The following RGS6 variants were observed in gnomAD, a reference collection of about 807,000 sequenced individuals.
The protein encoded by RGS6 is regulator of G protein signaling 6.
RGS6 carries 30 observed loss-of-function variants against 78.5 expected under a neutral mutation model. The ratio of observed to expected loss-of-function variants is 0.38; its 90% CI spans 0.29 to 0.52. The LOEUF is 0.52. Among genes scored for constraint, RGS6 ranks in the 20% least tolerant of loss-of-function variants. The pLI is 0.85. For missense variants in RGS6, 495 were observed against 609.7 expected, an observed-to-expected ratio of 0.81 and a Z score of 1.98; for synonymous variants, 206 against 206.0, an observed-to-expected ratio of 1.00 and a Z score of 0.00.
intron 17 of RGS6, among the ~76,000 whole-genome samples, chr14:72,555,662 C>CA (rs1254012522): frequency 6.6e-6 from 1 of 152,210 alleles, no homozygotes; most frequent in Non-Finnish European, 1.5e-5. Context: ...CCGACCAACT[C>CA]AGCTTTGCCA....
chr14:72,154,993 G>A (rs1024292368), intron 2 of RGS6, among the ~76,000 whole-genome samples: 1 of 152,220 alleles, frequency 6.6e-6, no homozygotes, highest in African/African-American at 2.4e-5. Flanking sequence ...TCAGTCCTCC[G>A]TATGAAGGTG....
chr14:71,872,084 C>G, the RGS6 span, among the ~76,000 whole-genome samples: 4 of 152,132 alleles, frequency 2.6e-5, no homozygotes, highest in Non-Finnish European at 5.9e-5. Context: ...GGGCAGCCAC[C>G]CAGCAGGACT....
intron 2 of RGS6, among the ~76,000 whole-genome samples, chr14:72,152,241 A>AGTGTGT (rs1191120897): frequency 1.7e-5 from 2 of 118,770 alleles, no homozygotes; most frequent in African/African-American, 5.7e-5. Context: ...AGAGAGAGAG[A>AGTGTGT]GAGAGTGTGT....
intron 1 of RGS6, among the ~76,000 whole-genome samples, chr14:71,935,177 A>T (rs1433956403): frequency 1.3e-5 from 2 of 152,226 alleles, no homozygotes; most frequent in African/African-American, 2.4e-5. Flanking sequence ...AGAATTACAA[A>T]ATCAACTTTC....
chr14:72,176,310 G>A (rs567824965), intron 2 of RGS6, among the ~76,000 whole-genome samples: 7 of 152,306 alleles, frequency 4.6e-5, no homozygotes, highest in South Asian at 2.1e-4. Context: ...ATGACATGGG[G>A]CATACTTCCC....
At chr14:71,901,255 C>T in the RGS6 span, among the ~76,000 whole-genome samples, 1 of 152,170 alleles carries the variant, frequency 6.6e-6, no homozygotes, top group Non-Finnish European at 1.5e-5. Flanking sequence ...CTATCTATAT[C>T]AAGAATATGA....
intron 3 of RGS6, among the ~76,000 whole-genome samples, chr14:72,392,413 A>G (rs766838955): frequency 9.9e-5 from 15 of 152,102 alleles, no homozygotes; most frequent in Non-Finnish European, 2.1e-4. Context: ...ACCGGAACTC[A>G]GGTCAGTTAT....
intron 15 of RGS6, among the ~76,000 whole-genome samples, chr14:72,532,987 A>G (rs922230513): frequency 2.0e-5 from 3 of 152,272 alleles, no homozygotes; most frequent in African/African-American, 4.8e-5. Flanking sequence ...TGGCTACAGT[A>G]AACAACAGAT....
At chr14:72,270,952 C>A (rs1022834496) in intron 2 of RGS6, among the ~76,000 whole-genome samples, 3 of 152,178 alleles carry the variant, frequency 2.0e-5, no homozygotes, top group African/African-American at 7.2e-5. Flanking sequence ...GATTTATTGA[C>A]CACCTACTAT....
At chr14:72,270,004 C>G (rs1016020042) in intron 2 of RGS6, among the ~76,000 whole-genome samples, 2 of 152,134 alleles carry the variant, frequency 1.3e-5, no homozygotes, top group Non-Finnish European at 2.9e-5. Flanking sequence ...GGGGATACAA[C>G]AAAAAGCTAG....
intron 3 of RGS6, among the ~76,000 whole-genome samples, chr14:72,399,562 A>G (rs373881820): frequency 6.3e-4 from 96 of 152,158 alleles, no homozygotes; most frequent in South Asian, 3.7e-3. Context: ...TGTGAATTTG[A>G]TCCTGTCCTT....
At chr14:72,277,584 C>A (rs567193544) in intron 2 of RGS6, among the ~76,000 whole-genome samples, 1 of 150,244 alleles carries the variant, frequency 6.7e-6, no homozygotes, top group Non-Finnish European at 1.5e-5. Context: ...TGACAGAGAG[C>A]GACTCCATCT....
intron 2 of RGS6, among the ~76,000 whole-genome samples, chr14:72,118,516 A>G (rs1329264460): frequency 6.6e-6 from 1 of 152,214 alleles, no homozygotes; most frequent in East Asian, 1.9e-4. Context: ...ATACCATTTG[A>G]ATATACCCAG....
the RGS6 span, among the ~76,000 whole-genome samples, chr14:72,590,880 C>A: frequency 2.6e-5 from 4 of 152,220 alleles, no homozygotes; most frequent in African/African-American, 9.7e-5. Flanking sequence ...AGGATCAGGA[C>A]TGGGGAAGGG....
intron 2 of RGS6, among the ~76,000 whole-genome samples, chr14:72,225,073 A>G (rs554354240): frequency 1.3e-5 from 2 of 152,370 alleles, no homozygotes; most frequent in South Asian, 4.1e-4. Flanking sequence ...GCCTGATGCC[A>G]TATTTAGCAA....
At chr14:72,152,706 T>A (rs528217084) in intron 2 of RGS6, among the ~76,000 whole-genome samples, 1 of 152,110 alleles carries the variant, frequency 6.6e-6, no homozygotes, top group Non-Finnish European at 1.5e-5. Context: ...GGGGCATATT[T>A]AGAAGTTATT....
intron 2 of RGS6, among the ~76,000 whole-genome samples, chr14:72,029,164 C>T (rs2090423938): frequency 6.6e-6 from 1 of 152,110 alleles, no homozygotes; most frequent in African/African-American, 2.4e-5. Flanking sequence ...TTTCTTTATC[C>T]CTCGTTCTGT....
chr14:72,552,397 T>C (rs1210342879), intron 17 of RGS6, among the ~76,000 whole-genome samples: 1 of 151,798 alleles, frequency 6.6e-6, no homozygotes, highest in Non-Finnish European at 1.5e-5. Context: ...TGCTGGGAGG[T>C]GGGGAGGGCC....
intron 3 of RGS6, among the ~76,000 whole-genome samples, chr14:72,441,806 C>T (rs1001745195): frequency 6.6e-6 from 1 of 152,238 alleles, no homozygotes; most frequent in Non-Finnish European, 1.5e-5. Context: ...GATGATGGTG[C>T]ACCATCGTTC....
Sources: gnomAD v4.1 joint callset for allele counts (sites outside exome capture counted in the v4.1 genomes callset) on GRCh38, gnomAD v4.1.1 for gene constraint, MANE v1.5 for transcripts, NCBI Gene and HGNC (gene_info 2026-07-23, HGNC 2026-07-21) for gene names.